The following RAD51B variants were observed in gnomAD, a reference collection of about 807,000 sequenced individuals.
RAD51B encodes DNA repair protein RAD51 homolog 2.
A neutral mutation model predicts 42.2 loss-of-function variants in RAD51B; 38 were observed. That is an observed-to-expected ratio of 0.90 (90% CI 0.70 to 1.18). The LOEUF is 1.18. RAD51B is among the 50% of genes most tolerant of loss of function. The probability of loss-of-function intolerance (pLI) is 0.00; values close to 1 mark genes in which losing one functional copy is unlikely to be tolerated. For missense variants in RAD51B, 373 were observed against 400.7 expected (o/e 0.93, Z 0.59); for synonymous variants, 154 against 145.2 (o/e 1.06, Z -0.43).
chr14:68,560,463 C>T (rs764620182), intron 10 of RAD51B, among the ~76,000 whole-genome samples: 1 of 152,072 alleles, frequency 6.6e-6, no homozygotes, highest in Admixed American at 6.5e-5. Flanking sequence ...GAGCTGGGCG[C>T]GGTGGCTCAC....
chr14:68,247,682 T>C (rs991933755), intron 7 of RAD51B, among the ~76,000 whole-genome samples: 2 of 152,244 alleles, frequency 1.3e-5, no homozygotes, highest in Non-Finnish European at 1.5e-5. Flanking sequence ...AATTTTAAAC[T>C]GTAATGCTAA....
At chr14:68,561,666 G>A (rs750978440) in intron 10 of RAD51B, among the ~76,000 whole-genome samples, 11 of 152,230 alleles carry the variant, frequency 7.2e-5, no homozygotes, top group Non-Finnish European at 1.3e-4. Context: ...CGCTGCTGGA[G>A]AGATGTTTAC....
intron 7 of RAD51B, among the ~76,000 whole-genome samples, chr14:68,005,058 T>G (rs868164244): frequency 1.5e-5 from 2 of 136,100 alleles, no homozygotes; most frequent in East Asian, 2.0e-4. Flanking sequence ...TTTTTTTTTT[T>G]TTTTTTTTTT....
chr14:68,447,691 GA>G, intron 9 of RAD51B, among the ~76,000 whole-genome samples: 1 of 151,954 alleles, frequency 6.6e-6, no homozygotes, highest in Non-Finnish European at 1.5e-5. Context: ...AAGCAATTAC[GA>G]AATCATTTTT....
chr14:68,064,865 A>G (rs2140450598), intron 7 of RAD51B, among the ~76,000 whole-genome samples: 1 of 152,232 alleles, frequency 6.6e-6, no homozygotes, highest in South Asian at 2.1e-4. Flanking sequence ...TCTCATTGAG[A>G]TAATGATTTT....
intron 8 of RAD51B, among the ~76,000 whole-genome samples, chr14:68,380,369 G>A (rs1377781865): frequency 2.0e-5 from 3 of 152,174 alleles, no homozygotes; most frequent in Non-Finnish European, 4.4e-5. Context: ...CCACACACAT[G>A]GTCTCAGAAT....
At chr14:68,071,997 T>A (rs182157967) in intron 7 of RAD51B, among the ~76,000 whole-genome samples, 57 of 142,934 alleles carry the variant, frequency 4.0e-4, no homozygotes, top group Middle Eastern at 3.6e-3. Context: ...ATGTTGTATG[T>A]TTCCAGGAAT....
At chr14:68,531,545 C>G (rs1201888301) in intron 10 of RAD51B, among the ~76,000 whole-genome samples, 1 of 151,884 alleles carries the variant, frequency 6.6e-6, no homozygotes, top group Non-Finnish European at 1.5e-5. Context: ...ATTCATGAAC[C>G]TATATGCCCC....
chr14:67,995,612 T>C (rs1259987995), intron 7 of RAD51B, among the ~76,000 whole-genome samples: 1 of 132,488 alleles, frequency 7.5e-6, no homozygotes, highest in African/African-American at 3.4e-5. Context: ...TTTTATATTC[T>C]TTTTTTTTTT....
chr14:68,044,560 G>T (rs1191141785), intron 7 of RAD51B, among the ~76,000 whole-genome samples: 1 of 152,004 alleles, frequency 6.6e-6, no homozygotes, highest in Admixed American at 6.6e-5. Context: ...TTAGATTTTG[G>T]TCAACTTTCT....
chr14:68,591,457 A>C (rs1452202482), intron 10 of RAD51B, among the ~76,000 whole-genome samples: 1 of 152,000 alleles, frequency 6.6e-6, no homozygotes, highest in Non-Finnish European at 1.5e-5. Flanking sequence ...CTGAATACAC[A>C]CCCCCAATGT....
chr14:67,830,008 G>T (rs1427489695), intron 3 of RAD51B, among the ~76,000 whole-genome samples: 1 of 152,126 alleles, frequency 6.6e-6, no homozygotes, highest in Non-Finnish European at 1.5e-5. Context: ...AGCTGGGAAG[G>T]GAGATGGGCA....
intron 7 of RAD51B, among the ~76,000 whole-genome samples, chr14:67,976,426 GTTTT>G (rs1021356543): frequency 6.6e-6 from 1 of 151,182 alleles, no homozygotes; most frequent in Non-Finnish European, 1.5e-5. Flanking sequence ...CTCAACTCTA[GTTTT>G]TTGTTTTTTG....
chr14:68,037,628 C>T (rs992587862), intron 7 of RAD51B, among the ~76,000 whole-genome samples: 2 of 152,256 alleles, frequency 1.3e-5, no homozygotes, highest in East Asian at 1.9e-4. Flanking sequence ...TGTCATAAAG[C>T]GCAGGTTAGC....
intron 10 of RAD51B, among the ~76,000 whole-genome samples, chr14:68,591,356 T>C (rs1440260681): frequency 6.6e-6 from 1 of 152,196 alleles, no homozygotes; most frequent in Non-Finnish European, 1.5e-5. Context: ...TGAGGACACC[T>C]CTTCTGTTTG....
chr14:68,528,865 G>A (rs1231141163), intron 10 of RAD51B, among the ~76,000 whole-genome samples: 2 of 152,202 alleles, frequency 1.3e-5, no homozygotes, highest in Non-Finnish European at 2.9e-5. Context: ...ATCATTTCTA[G>A]CTGAAGAATA....
At chr14:68,059,742 A>G (rs962537985) in intron 7 of RAD51B, among the ~76,000 whole-genome samples, 35 of 152,174 alleles carry the variant, frequency 2.3e-4, no homozygotes, top group African/African-American at 8.2e-4. Context: ...TTAGTTGTAC[A>G]TGTCTTTTTC....
At chr14:68,252,638 T>C (rs904284502) in intron 7 of RAD51B, among the ~76,000 whole-genome samples, 2 of 152,246 alleles carry the variant, frequency 1.3e-5, no homozygotes, top group Non-Finnish European at 2.9e-5. Context: ...TACACTTTAT[T>C]CTTTTTTAAC....
chr14:68,585,057 C>T (rs772525320), intron 10 of RAD51B, among the ~76,000 whole-genome samples: 8 of 152,134 alleles, frequency 5.3e-5, no homozygotes, highest in East Asian at 1.9e-4. Flanking sequence ...TAGGATGCGG[C>T]GGTCAGGAAG....
Sources: allele counts gnomAD v4.1 joint callset (sites outside exome capture counted in the v4.1 genomes callset), GRCh38; gene constraint gnomAD v4.1.1; transcripts MANE v1.5; gene names NCBI Gene and HGNC (gene_info 2026-07-23, HGNC 2026-07-21).